LMX1A: variants seen among roughly 807,000 people sequenced by gnomAD.
The protein encoded by LMX1A is LIM homeobox transcription factor 1-alpha.
LMX1A carries 15 observed loss-of-function variants against 49.1 expected under a neutral mutation model. The ratio of observed to expected loss-of-function variants is 0.31; its 90% CI spans 0.20 to 0.47. The LOEUF (loss-of-function observed/expected upper bound fraction) is 0.47. Among genes scored for constraint, LMX1A ranks in the 20% least tolerant of loss-of-function variants. The pLI, the probability that LMX1A is intolerant of heterozygous loss-of-function variation, is 1.00. For missense variants in LMX1A, 372 were observed against 475.8 expected (o/e 0.78, Z 2.03); for synonymous variants, 167 against 185.7 (o/e 0.90, Z 0.82).
chr1:165,245,003 G>C (rs568691959), intron 4 of LMX1A, among the ~76,000 whole-genome samples: 3 of 152,270 alleles, frequency 2.0e-5, no homozygotes, highest in African/African-American at 7.2e-5. Flanking sequence ...CAGATGTCCT[G>C]AGTTTGGTAT....
chr1:165,300,737 C>A (rs909065295), intron 3 of LMX1A, among the ~76,000 whole-genome samples: 1 of 152,126 alleles, frequency 6.6e-6, no homozygotes, highest in Non-Finnish European at 1.5e-5. Flanking sequence ...AGTGCCAGAG[C>A]GCTCAGTTTT....
At chr1:165,275,486 C>A (rs1435447124) in intron 3 of LMX1A, among the ~76,000 whole-genome samples, 2 of 152,218 alleles carry the variant, frequency 1.3e-5, no homozygotes, top group Non-Finnish European at 2.9e-5. Context: ...GGTTTACATA[C>A]TTCCACGTAA....
intron 3 of LMX1A, among the ~76,000 whole-genome samples, chr1:165,337,966 A>G (rs1012918935): frequency 1.3e-5 from 2 of 151,226 alleles, no homozygotes; most frequent in Non-Finnish European, 2.9e-5. Context: ...GGTTGCCAGC[A>G]GCTGTTGAGG....
chr1:165,325,739 A>G (rs1369176675), intron 3 of LMX1A, among the ~76,000 whole-genome samples: 2 of 152,168 alleles, frequency 1.3e-5, no homozygotes, highest in African/African-American at 4.8e-5. Flanking sequence ...AACACCAGCA[A>G]GCCTCAGGCA....
intron 3 of LMX1A, among the ~76,000 whole-genome samples, chr1:165,292,078 A>AC (rs1425966535): frequency 4.6e-5 from 7 of 151,578 alleles, no homozygotes; most frequent in African/African-American, 2.4e-5. Context: ...AAAAAAAAAA[A>AC]AAAAAAACAA....
chr1:165,225,573 G>A (rs936687217), intron 4 of LMX1A, among the ~76,000 whole-genome samples: 1 of 152,124 alleles, frequency 6.6e-6, no homozygotes, highest in African/African-American at 2.4e-5. Context: ...GTTGAAATAG[G>A]GGTTAGAGGA....
In LMX1A at chr1:165,213,606, G is replaced by A. The variant is rs767764303; in HGVS notation, c.669+35C>T. 6.3e-6 allele frequency: 10 copies of A among 1,587,778 alleles called. No individual in the cohort carries two copies. The East Asian group carries it at 1.3e-4, about 21-fold the overall frequency. Reference sequence around the variant, plus strand: ...GTCTGAGTGCACACAGAGAAGTGGGGCCCAGCTCCTTTTCCTCCCTGCTCC... The same window carrying A: ...GTCTGAGTGCACACAGAGAAGTGGGACCCAGCTCCTTTTCCTCCCTGCTCC... On this transcript the variant is annotated intron_variant, in intron 5 of 8. Coordinates refer to ENST00000342310, the MANE Select transcript of LMX1A (RefSeq NM_177398.4).
chr1:165,218,111 C>A (rs953029215), intron 4 of LMX1A, among the ~76,000 whole-genome samples: 2 of 152,166 alleles, frequency 1.3e-5, no homozygotes, highest in Non-Finnish European at 2.9e-5. Context: ...GGCATCAGGC[C>A]AGATTTGGCC....
chr1:165,340,066 G>A (rs533689389), intron 3 of LMX1A, among the ~76,000 whole-genome samples: 11 of 152,134 alleles, frequency 7.2e-5, no homozygotes, highest in African/African-American at 2.7e-4. Context: ...CCTTTATATG[G>A]TATAAAATGC....
chr1:165,348,875 A>G (rs1184951968), intron 3 of LMX1A, among the ~76,000 whole-genome samples: 1 of 152,254 alleles, frequency 6.6e-6, no homozygotes, highest in Non-Finnish European at 1.5e-5. Context: ...TAAGTGTGAC[A>G]GCCACTTTCC....
In LMX1A at chr1:165,263,442, T is replaced by A. The variant is rs75959134; in HGVS notation, c.264-13802A>T. Among the ~76,000 whole-genome samples, 113 of 152,362 alleles carry A rather than the reference T, an allele frequency of 7.4e-4. 1 individual carries two copies. The East Asian group carries it at 0.019, about 26-fold the overall frequency. ...AAGACAAACATCATGGACTCACTTT[T>A]GACTTCTTTATCCTCCGCATCTCAT... On this transcript the variant is annotated intron_variant, in intron 3 of 8. Transcript: ENST00000342310.
intron 3 of LMX1A, among the ~76,000 whole-genome samples, chr1:165,325,352 G>A (rs1655536542): frequency 6.6e-6 from 1 of 151,880 alleles, no homozygotes; most frequent in African/African-American, 2.4e-5. Context: ...TTCCTTTTGT[G>A]TATTTTGTAC....
At chr1:165,276,822 A>G (rs1409177314) in intron 3 of LMX1A, among the ~76,000 whole-genome samples, 1 of 152,234 alleles carries the variant, frequency 6.6e-6, no homozygotes, top group African/African-American at 2.4e-5. Flanking sequence ...TATGAGGTGC[A>G]TAGGAATTCT....
intron 3 of LMX1A, among the ~76,000 whole-genome samples, chr1:165,259,288 G>T (rs1313886454): frequency 6.6e-6 from 1 of 152,158 alleles, no homozygotes; most frequent in African/African-American, 2.4e-5. Flanking sequence ...AGGCAGCTAT[G>T]GCTATGGTCT....
At chr1:165,236,203 C>G (rs1396782526) in intron 4 of LMX1A, among the ~76,000 whole-genome samples, 1 of 152,184 alleles carries the variant, frequency 6.6e-6, no homozygotes, top group Non-Finnish European at 1.5e-5. Flanking sequence ...GTGATTCCCA[C>G]CCGCCGCCCT....
intron 4 of LMX1A, among the ~76,000 whole-genome samples, chr1:165,217,756 A>G (rs1286390673): frequency 1.3e-5 from 2 of 152,130 alleles, no homozygotes; most frequent in African/African-American, 2.4e-5. Flanking sequence ...GTTCAAATCC[A>G]TGTTGCTCAG....
chr1:165,337,907 T>TGTGTGTGTGTGTGTGTGTGTGTGTG (rs1553213782), intron 3 of LMX1A, among the ~76,000 whole-genome samples: 7 of 151,504 alleles, frequency 4.6e-5, no homozygotes, highest in South Asian at 2.1e-4. Flanking sequence ...TGTGTGTGTG[T>TGTGTGTGTGTGTGTGTGTGTGTGTG]TACTACCCCA....
At chr1:165,296,004 G>C (rs1654603966) in intron 3 of LMX1A, among the ~76,000 whole-genome samples, 1 of 152,184 alleles carries the variant, frequency 6.6e-6, no homozygotes, top group Non-Finnish European at 1.5e-5. Context: ...GGAAACAGTT[G>C]TAACCTTTAG....
At chr1:165,204,144 C>A in intron 8 of LMX1A, 104 bp from the exon 9 acceptor site, 3 of 1,204,492 alleles carry the variant, frequency 2.5e-6, no homozygotes, top group Non-Finnish European at 3.5e-6. Flanking sequence ...AGCACAGGCT[C>A]CAGGTGAAAC....
Sources: gnomAD v4.1 joint callset for allele counts (sites outside exome capture counted in the v4.1 genomes callset) on GRCh38, gnomAD v4.1.1 for gene constraint, MANE v1.5 for transcripts, NCBI Gene and HGNC (gene_info 2026-07-23, HGNC 2026-07-21) for gene names.